The following COL24A1 variants were observed in gnomAD, a reference collection of about 807,000 sequenced individuals.
COL24A1 encodes the protein collagen type XXIV alpha 1 chain, also known as collagen alpha-1(XXIV) chain.
A neutral mutation model predicts 253.9 loss-of-function variants in COL24A1; 224 were observed. The ratio of observed to expected loss-of-function variants is 0.88; its 90% CI spans 0.79 to 0.99. COL24A1 has a LOEUF of 0.99. COL24A1 is among the 50% of genes least tolerant of loss of function. The probability of loss-of-function intolerance (pLI) is 0.00; values close to 1 mark genes in which losing one functional copy is unlikely to be tolerated. For synonymous variants in COL24A1, 685 were observed against 673.7 expected, an observed-to-expected ratio of 1.02 and a Z score of -0.26; for missense variants, 2,131 against 2,068.5, an observed-to-expected ratio of 1.03 and a Z score of -0.59.
intron 57 of COL24A1, among the ~76,000 whole-genome samples, chr1:85,740,088 C>T (rs1388446535): frequency 1.3e-5 from 2 of 152,240 alleles, no homozygotes; most frequent in Non-Finnish European, 2.9e-5. Context: ...CACCCTTGCC[C>T]TGCCTCATTT....
intron 55 of COL24A1, among the ~76,000 whole-genome samples, chr1:85,747,190 CA>C (rs1665322966): frequency 6.8e-6 from 1 of 147,720 alleles, no homozygotes; most frequent in Non-Finnish European, 1.5e-5. Flanking sequence ...CGGCTCACTG[CA>C]ACCTCCGCTT....
intron 20 of COL24A1, among the ~76,000 whole-genome samples, chr1:85,983,724 A>C (rs886340263): frequency 6.6e-6 from 1 of 151,840 alleles, no homozygotes; most frequent in African/African-American, 2.4e-5. Flanking sequence ...AAAGAAACAC[A>C]TCATGTTAAC....
At chr1:85,841,452 T>C (rs1676603365) in intron 41 of COL24A1, among the ~76,000 whole-genome samples, 174 bp from the exon 42 acceptor site, 1 of 152,156 alleles carries the variant, frequency 6.6e-6, no homozygotes, top group African/African-American at 2.4e-5. Flanking sequence ...GAGTTGTAAT[T>C]TGTACAGGGT....
intron 19 of COL24A1, among the ~76,000 whole-genome samples, chr1:86,014,603 TCTC>T (rs147923051): frequency 7.1e-6 from 1 of 141,356 alleles, no homozygotes; most frequent in East Asian, 2.3e-4. Flanking sequence ...ATCTCTTCCT[TCTC>T]CTCCTCCTCC....
At chr1:86,014,510 T>A (rs1346696049) in intron 19 of COL24A1, among the ~76,000 whole-genome samples, 2 of 152,204 alleles carry the variant, frequency 1.3e-5, no homozygotes, top group East Asian at 3.8e-4. Flanking sequence ...TTAAGACTCT[T>A]ATTAGACTAA....
At chr1:85,873,280 C>T (rs28812771) in intron 35 of COL24A1, among the ~76,000 whole-genome samples, 57,477 of 151,494 alleles carry the variant, frequency 0.38, 11,810 homozygotes, top group East Asian at 0.57. Flanking sequence ...GACAGTGTGG[C>T]GATTCCTCAA....
intron 28 of COL24A1, among the ~76,000 whole-genome samples, chr1:85,898,017 G>A (rs984944478): frequency 5.9e-5 from 9 of 152,070 alleles, no homozygotes; most frequent in Admixed American, 5.9e-4. Context: ...AAAATATAGA[G>A]GCATGAAAAC....
Position 85,922,472 on chromosome 1 carries a change from G to C in COL24A1, c.2563-11039C>G, listed in dbSNP as rs563965926. Among the ~76,000 whole-genome samples the C allele has an allele frequency of 2.6e-5, 4 of 152,280 alleles. No individual in the cohort carries two copies. In the South Asian group the frequency reaches 8.3e-4, roughly 32 times the overall value. ...CCATCAGACTAATAGCGGATCTCTTGGCAGAAACTCTATAAGCCAGAAGAG... is the reference window on the plus strand; with the variant it reads ...CCATCAGACTAATAGCGGATCTCTTCGCAGAAACTCTATAAGCCAGAAGAG... On this transcript the variant is annotated intron_variant, in intron 24 of 59. Transcript: ENST00000370571.
At chr1:86,088,055 C>T (rs10493785) in intron 7 of COL24A1, among the ~76,000 whole-genome samples, 19,818 of 152,124 alleles carry the variant, frequency 0.13, 1,348 homozygotes, top group Middle Eastern at 0.21. Context: ...AAATAGCTGA[C>T]GGTTTACATT....
chr1:86,156,524 G>C lies in COL24A1; in HGVS notation c.-128C>G. ...CACATGAAAACCATGCTTCAAACCCGCAACAAGAAAAAAAGGAGGGGAGGG... is the reference window on the plus strand; with the variant it reads ...CACATGAAAACCATGCTTCAAACCCCCAACAAGAAAAAAAGGAGGGGAGGG... On this transcript the variant is annotated 5_prime_UTR_variant, in exon 1 of 60. Coordinates refer to ENST00000370571, the MANE Select transcript of COL24A1 (RefSeq NM_152890.7). 3 of 797,968 alleles carry C rather than the reference G, an allele frequency of 3.8e-6. No individual in the cohort carries two copies. The highest frequency in any genetic ancestry group is 3.6e-6 in the Non-Finnish European group (2 of 548,986). 49.4% of individuals were successfully genotyped at this position (797,968 alleles called of 1,614,324 possible).
At chr1:86,063,981 G>T (rs1176720690) in intron 7 of COL24A1, among the ~76,000 whole-genome samples, 2 of 151,222 alleles carry the variant, frequency 1.3e-5, no homozygotes, top group African/African-American at 4.9e-5. Context: ...ATTTAATCTT[G>T]CATGTTATTT....
intron 4 of COL24A1, among the ~76,000 whole-genome samples, chr1:86,114,888 T>G (rs1192923152): frequency 6.6e-6 from 1 of 152,206 alleles, no homozygotes; most frequent in Non-Finnish European, 1.5e-5. Flanking sequence ...TGCTGATCTT[T>G]AATGCAGCTT....
At chr1:85,998,353 T>C (rs141753396) in intron 19 of COL24A1, among the ~76,000 whole-genome samples, 1,526 of 152,316 alleles carry the variant, frequency 0.01, 30 homozygotes, top group African/African-American at 0.035. Flanking sequence ...TGTAATATGA[T>C]CTATGAAAAC....
intron 43 of COL24A1, among the ~76,000 whole-genome samples, chr1:85,835,102 A>G (rs1675848296): frequency 6.6e-6 from 1 of 152,028 alleles, no homozygotes; most frequent in African/African-American, 2.4e-5. Flanking sequence ...ACTCAAATAC[A>G]AGCTTAATGA....
chr1:86,109,152 C>A (rs573280318), intron 5 of COL24A1, among the ~76,000 whole-genome samples: 110 of 152,246 alleles, frequency 7.2e-4, no homozygotes, highest in African/African-American at 2.6e-3. Context: ...TATAAAGTCC[C>A]CAAATGAAGC....
chr1:85,806,204 C>G (rs1334355979), intron 47 of COL24A1, among the ~76,000 whole-genome samples: 1 of 151,954 alleles, frequency 6.6e-6, no homozygotes, highest in Non-Finnish European at 1.5e-5. Context: ...AATAACAATT[C>G]AACCTTTGTT....
intron 59 of COL24A1, among the ~76,000 whole-genome samples, chr1:85,732,623 C>G (rs1018484306): frequency 6.6e-6 from 1 of 151,942 alleles, no homozygotes; most frequent in Non-Finnish European, 1.5e-5. Flanking sequence ...TTATTTTTTA[C>G]TTTAATTTTT....
intron 53 of COL24A1, among the ~76,000 whole-genome samples, chr1:85,775,388 C>T (rs574975604): frequency 3.3e-5 from 5 of 152,128 alleles, no homozygotes; most frequent in South Asian, 2.1e-4. Flanking sequence ...CTATTAGGTC[C>T]GCTTGGTCCA....
intron 53 of COL24A1, among the ~76,000 whole-genome samples, chr1:85,766,049 C>T (rs1016406180): frequency 4.6e-5 from 7 of 152,040 alleles, no homozygotes; most frequent in South Asian, 2.1e-4. Flanking sequence ...TGCCATAAAA[C>T]TCTGGCTCTG....
Sources: gnomAD v4.1 joint callset for allele counts (sites outside exome capture counted in the v4.1 genomes callset) on GRCh38, gnomAD v4.1.1 for gene constraint, MANE v1.5 for transcripts, NCBI Gene and HGNC (gene_info 2026-07-23, HGNC 2026-07-21) for gene names.